Variants in IGF1R observed in about 807,000 individuals in gnomAD.
IGF1R encodes the protein insulin like growth factor 1 receptor, also known as insulin-like growth factor 1 receptor.
A neutral mutation model predicts 144.6 loss-of-function variants in IGF1R; 44 were observed. That is an observed-to-expected ratio of 0.30 (90% CI 0.24 to 0.39). The LOEUF (loss-of-function observed/expected upper bound fraction) is 0.39. Among genes scored for constraint, IGF1R ranks in the 10% least tolerant of loss-of-function variants. IGF1R has a pLI of 1.00. For missense variants in IGF1R, 1,355 were observed against 1,833.7 expected (o/e 0.74, Z 4.77); for synonymous variants, 795 against 722.8 (o/e 1.10, Z -1.60).
At chr15:98,758,235 T>A (rs2055205098) in intron 2 of IGF1R, among the ~76,000 whole-genome samples, 1 of 152,170 alleles carries the variant, frequency 6.6e-6, no homozygotes, top group South Asian at 2.1e-4. Context: ...CCTGAAAGTT[T>A]TTATACTCCA....
intron 2 of IGF1R, among the ~76,000 whole-genome samples, chr15:98,832,282 C>CT (rs1036816078): frequency 6.6e-6 from 1 of 152,148 alleles, no homozygotes. Flanking sequence ...TAAGAGGTGT[C>CT]TTAAAACATT....
rs2017272243 is a variant in IGF1R at position 98,962,669 on chromosome 15, CAG to C, written c.*5231_*5232del. Reference sequence around the variant, plus strand: ...AACCATTGTCACAGGGATCCTGGCACAGAGAAGAGTTACGAGCAGCAGGGTGC... The same window carrying C: ...AACCATTGTCACAGGGATCCTGGCACAGAAGAGTTACGAGCAGCAGGGTGC... On this transcript the variant is annotated 3_prime_UTR_variant, in exon 21 of 21. Coordinates refer to ENST00000650285, the MANE Select transcript of IGF1R (RefSeq NM_000875.5). The C allele has an allele frequency of 4.3e-6, 1 of 233,788 alleles. No individual in the cohort carries two copies. The highest frequency in any genetic ancestry group is 8.5e-6 in the Non-Finnish European group (1 of 118,140). The allele number at this position is 233,788 out of a possible 1,614,324, so 14.5% of individuals were successfully genotyped here.
chr15:98,959,340 T>C lies in IGF1R; in HGVS notation c.*1898T>C. ...CTGAGTCCAAGGGAGCAGCAGAGCG[T>C]GGTCCGGCAGGGCCTGTTGTGGCCC... On this transcript the variant is annotated 3_prime_UTR_variant, in exon 21 of 21. Coordinates refer to ENST00000650285, the MANE Select transcript of IGF1R (RefSeq NM_000875.5). 4.3e-6 allele frequency: 1 copy of C among 233,728 alleles called. No homozygotes were observed. The highest frequency in any genetic ancestry group is 8.5e-6 in the Non-Finnish European group (1 of 118,022). The allele number at this position is 233,728 out of a possible 1,614,324, so 14.5% of individuals were successfully genotyped here. A position where few individuals can be genotyped will look rare whatever the true frequency, so the allele number is the denominator to read the frequency against.
chr15:98,705,385 A>G (rs530128733), intron 1 of IGF1R, among the ~76,000 whole-genome samples: 21 of 152,264 alleles, frequency 1.4e-4, no homozygotes, highest in Non-Finnish European at 2.6e-4. Flanking sequence ...AGGTGGGACT[A>G]TTGACAAGCC....
chr15:98,877,597 A>G (rs2013127828), intron 2 of IGF1R, among the ~76,000 whole-genome samples: 1 of 149,248 alleles, frequency 6.7e-6, no homozygotes, highest in African/African-American at 2.5e-5. Context: ...GACTTTCACA[A>G]GTGATTGTGC....
chr15:98,742,943 A>G (rs2054781080), intron 2 of IGF1R, among the ~76,000 whole-genome samples: 1 of 152,132 alleles, frequency 6.6e-6, no homozygotes, highest in African/African-American at 2.4e-5. Flanking sequence ...AGGCTGAGAC[A>G]GGAGAATCAC....
intron 2 of IGF1R, among the ~76,000 whole-genome samples, chr15:98,761,521 G>T (rs977302603): frequency 2.0e-5 from 3 of 152,222 alleles, no homozygotes; most frequent in Non-Finnish European, 4.4e-5. Flanking sequence ...GTTTGTCTGA[G>T]ACTGGCTACC....
chr15:98,887,791 C>A (rs914996715), intron 2 of IGF1R, among the ~76,000 whole-genome samples: 3 of 152,252 alleles, frequency 2.0e-5, no homozygotes, highest in Non-Finnish European at 4.4e-5. Context: ...CTGCTCTCTT[C>A]CAGCCTGGTC....
chr15:98,740,061 A>G (rs1273538602), intron 2 of IGF1R, among the ~76,000 whole-genome samples: 1 of 152,248 alleles, frequency 6.6e-6, no homozygotes, highest in Non-Finnish European at 1.5e-5. Flanking sequence ...CGCCTAGGGA[A>G]TAAATTTCAG....
rs199997110 is a variant in IGF1R at position 98,929,605 on chromosome 15, G to A, written c.2830G>A (p.Val944Ile). 9.3e-6 allele frequency: 15 copies of A among 1,614,024 alleles called. No homozygotes were observed. Among genetic ancestry groups the A allele is most frequent in the Non-Finnish European group, 1.2e-5 (14 of 1,179,994 alleles). ...IHLIIALPVA[V>I]LLIVGGLVIM... ...TCTGATCATCGCTCTGCCCGTCGCT[G>A]TCCTGTTGATCGTGGGAGGGTTGGT... The change falls in exon 14 of 21, where the codon GTC (valine) becomes ATC (isoleucine). Residue 944 changes from valine (V) to isoleucine (I), a missense_variant. Coordinates refer to ENST00000650285, the MANE Select transcript of IGF1R (RefSeq NM_000875.5).
intron 2 of IGF1R, among the ~76,000 whole-genome samples, chr15:98,749,333 G>A (rs533257942): frequency 2.1e-4 from 32 of 152,094 alleles, no homozygotes; most frequent in African/African-American, 7.5e-4. Context: ...TTAAATATTT[G>A]TATTTCTCTT....
chr15:98,681,829 T>G (rs1390161547), intron 1 of IGF1R, among the ~76,000 whole-genome samples: 2 of 152,220 alleles, frequency 1.3e-5, no homozygotes, highest in Non-Finnish European at 2.9e-5. Flanking sequence ...CTGTCCCTGG[T>G]GTCATCTGAA....
At chr15:98,861,207 G>A (rs72752844) in intron 2 of IGF1R, among the ~76,000 whole-genome samples, 22 of 152,264 alleles carry the variant, frequency 1.4e-4, no homozygotes, top group Non-Finnish European at 2.6e-4. Context: ...TCCCCTTGAT[G>A]TGCTATATAC....
chr15:98,692,265 G>A (rs1193984711), intron 1 of IGF1R, among the ~76,000 whole-genome samples: 3 of 152,186 alleles, frequency 2.0e-5, no homozygotes, highest in African/African-American at 7.2e-5. Flanking sequence ...TTGAGCCCAG[G>A]AAGTTGAGGC....
At chr15:98,691,323 G>A (rs1363577731) in intron 1 of IGF1R, among the ~76,000 whole-genome samples, 1 of 150,996 alleles carries the variant, frequency 6.6e-6, no homozygotes, top group African/African-American at 2.4e-5. Flanking sequence ...GCCAGGTTTT[G>A]TGCACACTGC....
chr15:98,777,092 G>T (rs11857074), intron 2 of IGF1R, among the ~76,000 whole-genome samples: 8,325 of 152,256 alleles, frequency 0.055, 281 homozygotes, highest in East Asian at 0.14. Flanking sequence ...GCTGCGGTCT[G>T]TTTCCCGGGG....
intron 2 of IGF1R, among the ~76,000 whole-genome samples, chr15:98,846,396 G>C (rs1305142644): frequency 6.6e-6 from 1 of 152,222 alleles, no homozygotes; most frequent in Non-Finnish European, 1.5e-5. Flanking sequence ...ATAATGAACA[G>C]ACGAGTAGAG....
chr15:98,659,377 G>T (rs2141173805), intron 1 of IGF1R, among the ~76,000 whole-genome samples: 1 of 151,938 alleles, frequency 6.6e-6, no homozygotes, highest in Non-Finnish European at 1.5e-5. Flanking sequence ...TGTGCACTTT[G>T]CCCATCTCGC....
chr15:98,695,905 G>A (rs1430291912), intron 1 of IGF1R, among the ~76,000 whole-genome samples: 1 of 151,998 alleles, frequency 6.6e-6, no homozygotes, highest in Non-Finnish European at 1.5e-5. Flanking sequence ...TCACTTGGAT[G>A]TTCTTCCACT....
Sources: gnomAD v4.1 joint callset for allele counts (sites outside exome capture counted in the v4.1 genomes callset) on GRCh38, gnomAD v4.1.1 for gene constraint, MANE v1.5 for transcripts, NCBI Gene and HGNC (gene_info 2026-07-23, HGNC 2026-07-21) for gene names.